Variants in GRSF1 observed in about 807,000 individuals in gnomAD.
GRSF1 encodes G-rich sequence factor 1.
In GRSF1, 50 loss-of-function variants were observed where a neutral mutation model predicts 51.1. The observed-to-expected ratio is 0.98, with a 90% CI of 0.78 to 1.24. The LOEUF (loss-of-function observed/expected upper bound fraction) is 1.24. Among genes scored for constraint, GRSF1 ranks in the 50% most tolerant of loss-of-function variants. The probability of loss-of-function intolerance (pLI) is 0.00; values close to 1 mark genes in which losing one functional copy is unlikely to be tolerated. For missense variants in GRSF1, 700 were observed against 639.7 expected (o/e 1.09, Z -1.02); for synonymous variants, 293 against 253.3 (o/e 1.16, Z -1.49).
chr4:70,830,589 T>C (rs1385464824), intron 5 of GRSF1, among the ~76,000 whole-genome samples: 6 of 151,206 alleles, frequency 4.0e-5, no homozygotes, highest in South Asian at 2.1e-4. Context: ...GAGGCCGAGG[T>C]GGGTGAATGA....
intron 9 of GRSF1, among the ~76,000 whole-genome samples, chr4:70,823,267 C>T (rs1733594895): frequency 6.6e-6 from 1 of 151,404 alleles, no homozygotes; most frequent in South Asian, 2.1e-4. Context: ...CGTGGTGGTG[C>T]ATGCCTGTAA....
At position 70,839,852 on chromosome 4, in the gene GRSF1, T is replaced by C. The variant is rs1380516317; in HGVS notation, c.-25A>G. ...TGGACTCCGGAGGCGGCGCAGGGCC[T>C]GAAGGCAGCTGCTCCAGCAGCGATG... is the stretch of plus-strand genomic sequence containing the variant. On this transcript the variant is annotated 5_prime_UTR_variant, in exon 1 of 10. Transcript: ENST00000254799. 2.7e-6 allele frequency: 4 copies of C among 1,460,722 alleles called. No homozygotes were observed. Among genetic ancestry groups the C allele is most frequent in the South Asian group, 2.7e-5 (2 of 75,290 alleles). 90.5% of individuals were successfully genotyped at this position (1,460,722 alleles called of 1,614,324 possible). A position where few individuals can be genotyped will look rare whatever the true frequency, so the allele number is the denominator to read the frequency against.
chr4:70,834,558 T>C (rs973706791), intron 2 of GRSF1, among the ~76,000 whole-genome samples: 6 of 152,254 alleles, frequency 3.9e-5, no homozygotes, highest in Non-Finnish European at 8.8e-5. Context: ...AGGTAAACCA[T>C]GTGTTATGGG....
chr4:70,833,189 A>G lies in GRSF1; in HGVS notation c.599T>C (p.Met200Thr), dbSNP rs769976794. Reference protein sequence around the residue: ...GKRRGDALIEMESEQDVQKAL... With the variant: ...GKRRGDALIETESEQDVQKAL... Reference sequence around the variant, plus strand: ...TTTCTGCACATCCTGCTCTGACTCCATTTCAATTAAGGCATCACCCCTTCG... The same window carrying G: ...TTTCTGCACATCCTGCTCTGACTCCGTTTCAATTAAGGCATCACCCCTTCG... The change falls in exon 3 of 10, where the codon ATG becomes ACG. Residue 200 changes from methionine (M) to threonine (T), a missense_variant. By Grantham distance (81) the Met-to-Thr change is moderately conservative. Transcript: ENST00000254799. The G allele has an allele frequency of 3.7e-6, 6 of 1,613,772 alleles. No individual in the cohort carries two copies. The highest frequency in any genetic ancestry group is 2.2e-5 in the East Asian group (1 of 44,890).
chr4:70,828,425 A>G (rs188327946), intron 5 of GRSF1, among the ~76,000 whole-genome samples: 3 of 152,346 alleles, frequency 2.0e-5, no homozygotes, highest in South Asian at 4.1e-4. Flanking sequence ...CAAATTAATC[A>G]TATCTGTATA....
chr4:70,831,379 GA>G (rs910159899), intron 5 of GRSF1, among the ~76,000 whole-genome samples, 159 bp downstream of exon 5: 6 of 150,706 alleles, frequency 4.0e-5, no homozygotes, highest in African/African-American at 1.2e-4. Flanking sequence ...AGGAGCAGTC[GA>G]AAAAAAATTG....
chr4:70,839,229 C>A, intron 1 of GRSF1: 2 of 1,455,512 alleles, frequency 1.4e-6, no homozygotes, highest in Non-Finnish European at 1.8e-6. Context: ...CACACTTACA[C>A]TGCCCAACCG....
intron 1 of GRSF1, among the ~76,000 whole-genome samples, chr4:70,837,874 A>T: frequency 6.6e-6 from 1 of 151,466 alleles, no homozygotes; most frequent in Non-Finnish European, 1.5e-5. Context: ...TCCTGACCTC[A>T]GGTGATCCAC....
At chr4:70,841,404 C>A (rs56012904), upstream of GRSF1, among the ~76,000 whole-genome samples, 13,822 of 152,298 alleles carry the variant, frequency 0.091, 1,189 homozygotes, top group African/African-American at 0.22. Flanking sequence ...CACACATACA[C>A]AAAGACTGGT....
chr4:70,827,724 A>G, intron 6 of GRSF1, 128 bp downstream of exon 6: 1 of 661,998 alleles, frequency 1.5e-6, no homozygotes, highest in South Asian at 1.9e-5. Flanking sequence ...GGCTGCAGTC[A>G]GCCGAGATCG....
In GRSF1 at chr4:70,820,185, T is replaced by C. The variant is rs1213401632; in HGVS notation, c.*702A>G. 1.3e-5 allele frequency: 2 copies of C among 152,304 alleles called. No homozygotes were observed. Among genetic ancestry groups the C allele is most frequent in the African/African-American group, 4.8e-5 (2 of 41,448 alleles). The allele number at this position is 152,304 out of a possible 1,614,324, so 9.4% of individuals were successfully genotyped here. On this transcript the variant is annotated 3_prime_UTR_variant, in exon 10 of 10. Transcript: ENST00000254799. Reference sequence around the variant, plus strand: ...GGGACAGTTTAGACAACTTTTAAGTTAAGACTAGAATGCCCCCTTAAGTAG... The same window carrying C: ...GGGACAGTTTAGACAACTTTTAAGTCAAGACTAGAATGCCCCCTTAAGTAG...
intron 1 of GRSF1, among the ~76,000 whole-genome samples, chr4:70,837,283 G>C (rs1044671185): frequency 3.3e-5 from 5 of 152,142 alleles, no homozygotes; most frequent in African/African-American, 1.2e-4. Flanking sequence ...CACTCTACTG[G>C]GCCAGGTGCG....
At position 70,817,477 on chromosome 4, in the gene GRSF1, G is replaced by C. The variant is rs1733356641; in HGVS notation, c.*3410C>G. 1 of 152,162 alleles carries C rather than the reference G, an allele frequency of 6.6e-6. No individual in the cohort carries two copies. Among genetic ancestry groups the C allele is most frequent in the Non-Finnish European group, 1.5e-5 (1 of 68,022 alleles). The allele number at this position is 152,162 out of a possible 1,614,324, so 9.4% of individuals were successfully genotyped here. A position where few individuals can be genotyped will look rare whatever the true frequency, so the allele number is the denominator to read the frequency against. On this transcript the variant is annotated 3_prime_UTR_variant, in exon 10 of 10. Coordinates refer to ENST00000254799, the MANE Select transcript of GRSF1 (RefSeq NM_002092.4). ...ACCACTAGAACTAAAATTCTGGACA[G>C]AAAATCCAGACACCTCACCAATGAT...
At chr4:70,842,166 G>T (rs1734472872), upstream of GRSF1, among the ~76,000 whole-genome samples, 1 of 152,152 alleles carries the variant, frequency 6.6e-6, no homozygotes, top group African/African-American at 2.4e-5. Flanking sequence ...AGGTCAGGCT[G>T]GTTTTTGTTT....
At position 70,839,105 on chromosome 4, in the gene GRSF1, G is replaced by C; in HGVS notation, c.357+366C>G. The C allele has an allele frequency of 4.6e-6, 6 of 1,290,748 alleles. No individual in the cohort carries two copies. The South Asian group carries it at 5.0e-5, about 11-fold the overall frequency. 80.0% of individuals were successfully genotyped at this position (1,290,748 alleles called of 1,614,324 possible). A position where few individuals can be genotyped will look rare whatever the true frequency, so the allele number is the denominator to read the frequency against. The stretch of plus-strand genomic sequence containing the variant: ...CAACCCTCCGGCGGGCTCGGGCCTC[G>C]CAACTTCACAACCAGCCGGCGGAAA... On this transcript the variant is annotated intron_variant, in intron 1 of 9. Transcript: ENST00000254799.
In GRSF1 at chr4:70,833,331, T is replaced by C. The variant is rs115475174; in HGVS notation, c.515-58A>G. The stretch of plus-strand genomic sequence containing the variant: ...AGAAATCAAACTTTTAGCTCAATTA[T>C]GTAAGTCACAAGAATGCAGTTTTCC... On this transcript the variant is annotated intron_variant, in intron 2 of 9. Coordinates refer to ENST00000254799, the MANE Select transcript of GRSF1 (RefSeq NM_002092.4). 1.3e-4 allele frequency: 186 copies of C among 1,463,884 alleles called. No homozygotes were observed. In the African/African-American group the frequency reaches 2.2e-3, roughly 17 times the overall value. The allele number at this position is 1,463,884 out of a possible 1,614,324, so 90.7% of individuals were successfully genotyped here.
Position 70,833,277 on chromosome 4 carries a change from A to T in GRSF1, c.515-4T>A. On this transcript the variant is annotated splice_polypyrimidine_tract_variant and splice_region_variant and intron_variant, in intron 2 of 9. Transcript: ENST00000254799. ...TCACCGTTGCGGATTCTGCAGTCTA[A>T]AAGTGTATGAGCAAAATCAATTGAA... 6.2e-7 allele frequency: 1 copy of T among 1,612,420 alleles called. No homozygotes were observed. The highest frequency in any genetic ancestry group is 8.5e-7 in the Non-Finnish European group (1 of 1,179,112).
At position 70,839,657 on chromosome 4, in the gene GRSF1, C is replaced by G. The variant is rs1028721419; in HGVS notation, c.171G>C (p.Ala57=). The change falls in exon 1 of 10, where the codon GCG becomes GCC. Residue 57 remains alanine (A), a synonymous_variant. Coordinates refer to ENST00000254799, the MANE Select transcript of GRSF1 (RefSeq NM_002092.4). ...RRLLLLLGAA[A]AAASQTRGLQ... ...GGCCACGCGTCTGGGAGGCAGCGGC[C>G]GCGGCGGCCCCGAGCAGCAGCAGCA... 9 of 1,396,842 alleles carry G rather than the reference C, an allele frequency of 6.4e-6. No homozygotes were observed. The highest frequency in any genetic ancestry group is 3.0e-5 in the East Asian group (1 of 32,946). The allele number at this position is 1,396,842 out of a possible 1,614,324, so 86.5% of individuals were successfully genotyped here. A position where few individuals can be genotyped will look rare whatever the true frequency, so the allele number is the denominator to read the frequency against.
At chr4:70,823,821 G>C (rs1405315997) in intron 9 of GRSF1, among the ~76,000 whole-genome samples, 4 of 152,036 alleles carry the variant, frequency 2.6e-5, no homozygotes, top group Non-Finnish European at 5.9e-5. Context: ...AGTGAGCTAT[G>C]ATCGCACCAC....
Sources: allele counts gnomAD v4.1 joint callset (sites outside exome capture counted in the v4.1 genomes callset), GRCh38; gene constraint gnomAD v4.1.1; transcripts MANE v1.5; gene names NCBI Gene and HGNC (gene_info 2026-07-23, HGNC 2026-07-21).